ADCY2: variants seen among roughly 807,000 people sequenced by gnomAD.
ADCY2 encodes the protein adenylate cyclase 2.
ADCY2 carries 31 observed loss-of-function variants against 125.2 expected under a neutral mutation model. The observed-to-expected ratio is 0.25, with a 90% CI of 0.19 to 0.33. The LOEUF (loss-of-function observed/expected upper bound fraction) is 0.33, where lower values mean the gene tolerates loss of function less well. Among genes scored for constraint, ADCY2 ranks in the 10% least tolerant of loss-of-function variants. The pLI is 1.00. For synonymous variants in ADCY2, 512 were observed against 548.4 expected (o/e 0.93, Z 0.93); for missense variants, 904 against 1,418.2 (o/e 0.64, Z 5.82).
intron 2 of ADCY2, among the ~76,000 whole-genome samples, chr5:7,444,916 CTGTT>C (rs1741181002): frequency 2.0e-5 from 3 of 152,310 alleles, no homozygotes; most frequent in East Asian, 1.9e-4. Context: ...CTCCTCTCCA[CTGTT>C]TGTTTGTGGT....
At chr5:7,748,038 G>T (rs1330723713) in intron 15 of ADCY2, among the ~76,000 whole-genome samples, 1 of 152,144 alleles carries the variant, frequency 6.6e-6, no homozygotes, top group Non-Finnish European at 1.5e-5. Context: ...CGGGTTCCCA[G>T]CCTCTGCATC....
At chr5:7,508,646 T>A (rs537992146) in intron 2 of ADCY2, among the ~76,000 whole-genome samples, 1 of 152,184 alleles carries the variant, frequency 6.6e-6, no homozygotes, top group African/African-American at 2.4e-5. Flanking sequence ...TCAATGTGAG[T>A]CACACAGCCA....
At chr5:7,637,081 T>C (rs1738530349) in intron 4 of ADCY2, among the ~76,000 whole-genome samples, 1 of 152,176 alleles carries the variant, frequency 6.6e-6, no homozygotes, top group African/African-American at 2.4e-5. Flanking sequence ...TTATTTCTAA[T>C]TTATTATATT....
chr5:7,774,779 C>T (rs1168230343), intron 18 of ADCY2, among the ~76,000 whole-genome samples: 1 of 152,178 alleles, frequency 6.6e-6, no homozygotes, highest in African/African-American at 2.4e-5. Flanking sequence ...GGCGACTTGC[C>T]TTCACTTCCA....
intron 18 of ADCY2, among the ~76,000 whole-genome samples, chr5:7,781,583 C>T (rs1385964748): frequency 6.6e-6 from 1 of 152,160 alleles, no homozygotes; most frequent in East Asian, 1.9e-4. Context: ...AGGAAGCATT[C>T]CCTAATGGTT....
Position 7,613,078 on chromosome 5 carries a change from A to G in ADCY2, c.571-13089A>G, listed in dbSNP as rs191477795. On this transcript the variant is annotated intron_variant, in intron 3 of 24. Coordinates refer to ENST00000338316, the MANE Select transcript of ADCY2 (RefSeq NM_020546.3). Reference sequence around the variant, plus strand: ...ATGTAAATGATGAGTTAATGGGTGCAGCACACCAACATGGCACATGTATAC... The same window carrying G: ...ATGTAAATGATGAGTTAATGGGTGCGGCACACCAACATGGCACATGTATAC... Among the ~76,000 whole-genome samples, 173 of 152,242 alleles carry G rather than the reference A, an allele frequency of 1.1e-3. 2 individuals are homozygous for G. Among genetic ancestry groups the G allele is most frequent in the African/African-American group, 3.9e-3 (161 of 41,542 alleles).
rs113307576 is a variant in ADCY2 at position 7,620,896 on chromosome 5, GA to G, written c.571-5258del. Among the ~76,000 whole-genome samples the G allele has an allele frequency of 3.8e-3, 553 of 144,146 alleles. 5 individuals carry two copies. Among genetic ancestry groups the G allele is most frequent in the African/African-American group, 0.01 (396 of 39,572 alleles). 94.6% of individuals were successfully genotyped at this position (144,146 alleles called of 152,430 possible). A position where few individuals can be genotyped will look rare whatever the true frequency, so the allele number is the denominator to read the frequency against. On this transcript the variant is annotated intron_variant, in intron 3 of 24. Transcript: ENST00000338316. ...TTTGACACTGTGCAGTTAGTTCATA[GA>G]AAAAAAAAAAAACTGTCATTAAGTG...
chr5:7,446,716 A>G (rs1741269436), intron 2 of ADCY2, among the ~76,000 whole-genome samples: 1 of 152,214 alleles, frequency 6.6e-6, no homozygotes, highest in Non-Finnish European at 1.5e-5. Context: ...GCTGTGAGTG[A>G]ACACACAGTT....
rs773655638 is a variant in ADCY2 at position 7,757,548 on chromosome 5, A to G, written c.2056A>G (p.Thr686Ala). 5 of 1,582,772 alleles carry G rather than the reference A, an allele frequency of 3.2e-6. No homozygotes were observed. The African/African-American group carries it at 7.6e-5, about 24-fold the overall frequency. ...PWPRISLTII[T>A]TAIILMMAVF... ...GCCACGGATCTCTCTCACGATCATC[A>G]CCACAGCCATCATATTAATGATGGC... Residue 686 changes from threonine (T) to alanine (A), a missense_variant, in exon 16 of 25, where the codon ACC becomes GCC. By Grantham distance (58) the Thr-to-Ala change is moderately conservative. This residue lies in a region of ADCY2 where 221 missense variants were observed against 246.2 expected (regional missense o/e 0.90). Coordinates refer to ENST00000338316, the MANE Select transcript of ADCY2 (RefSeq NM_020546.3).
intron 11 of ADCY2, among the ~76,000 whole-genome samples, chr5:7,714,724 T>A (rs1382268463): frequency 6.6e-6 from 1 of 152,246 alleles, no homozygotes; most frequent in Non-Finnish European, 1.5e-5. Flanking sequence ...TGATCTTTGG[T>A]GGCCTCAAGG....
chr5:7,482,670 A>G (rs971476557), intron 2 of ADCY2, among the ~76,000 whole-genome samples: 33 of 151,758 alleles, frequency 2.2e-4, no homozygotes, highest in African/African-American at 7.7e-4. Flanking sequence ...TCAAAGAGAT[A>G]CCTGCACCTT....
chr5:7,683,947 C>T (rs901347210), intron 4 of ADCY2, among the ~76,000 whole-genome samples: 35 of 152,316 alleles, frequency 2.3e-4, no homozygotes, highest in Admixed American at 3.9e-4. Flanking sequence ...CAAAGGCTGG[C>T]GCCACCACCT....
chr5:7,573,956 T>C (rs1157951240), intron 3 of ADCY2, among the ~76,000 whole-genome samples: 12 of 107,892 alleles, frequency 1.1e-4, no homozygotes, highest in African/African-American at 3.5e-4. Context: ...TTCCCCTTCC[T>C]GTGTCCATGT....
chr5:7,680,561 C>T (rs927209731), intron 4 of ADCY2, among the ~76,000 whole-genome samples: 1 of 152,196 alleles, frequency 6.6e-6, no homozygotes, highest in African/African-American at 2.4e-5. Flanking sequence ...TGACCAGGCT[C>T]AGTCCACAGG....
intron 2 of ADCY2, among the ~76,000 whole-genome samples, chr5:7,453,496 A>G (rs1390620566): frequency 6.6e-6 from 1 of 152,058 alleles, no homozygotes; most frequent in Non-Finnish European, 1.5e-5. Context: ...AGCAGCCTCA[A>G]TTCTTGCCTC....
intron 10 of ADCY2, among the ~76,000 whole-genome samples, chr5:7,711,514 G>T (rs764377139): frequency 6.6e-6 from 1 of 152,094 alleles, no homozygotes; most frequent in Non-Finnish European, 1.5e-5. Flanking sequence ...GTTCCTGTGG[G>T]GAAAAGGCTT....
chr5:7,682,446 C>A (rs1740371169), intron 4 of ADCY2, among the ~76,000 whole-genome samples: 1 of 152,198 alleles, frequency 6.6e-6, no homozygotes, highest in African/African-American at 2.4e-5. Flanking sequence ...CATTCTCACC[C>A]CTTCAAGCTT....
chr5:7,698,428 A>C, intron 7 of ADCY2, 54 bp downstream of exon 7: 1 of 1,596,642 alleles, frequency 6.3e-7, no homozygotes, highest in East Asian at 2.2e-5. Context: ...TCTGGGGTAC[A>C]TGTGCACAAC....
chr5:7,543,148 T>C (rs1735045527), intron 3 of ADCY2, among the ~76,000 whole-genome samples: 2 of 152,336 alleles, frequency 1.3e-5, no homozygotes, highest in South Asian at 4.1e-4. Context: ...TATGTTTGTG[T>C]ATAGATATAT....
Sources: allele counts gnomAD v4.1 joint callset (sites outside exome capture counted in the v4.1 genomes callset), GRCh38; gene constraint gnomAD v4.1.1; regional missense constraint gnomAD v4.1.1; transcripts MANE v1.5; gene names NCBI Gene and HGNC (gene_info 2026-07-23, HGNC 2026-07-21).